Variants in GDAP1L1 observed in about 807,000 individuals in gnomAD.
GDAP1L1 encodes the protein ganglioside-induced differentiation-associated protein 1-like 1.
In GDAP1L1, 21 loss-of-function variants were observed where a neutral mutation model predicts 37.1. The observed-to-expected ratio is 0.57, with a 90% CI of 0.40 to 0.81. GDAP1L1 has a LOEUF of 0.81. GDAP1L1 is among the 40% of genes least tolerant of loss of function. The pLI, the probability that GDAP1L1 is intolerant of heterozygous loss-of-function variation, is 0.00. For synonymous variants in GDAP1L1, 193 were observed against 209.1 expected (o/e 0.92, Z 0.67); for missense variants, 362 against 491.6 (o/e 0.74, Z 2.49).
At chr20:44,273,063 A>C (rs1030070198) in intron 5 of GDAP1L1, among the ~76,000 whole-genome samples, 5 of 152,160 alleles carry the variant, frequency 3.3e-5, no homozygotes, top group African/African-American at 9.7e-5. Context: ...GCTCATTTGC[A>C]TGTGGAAATA....
rs372266293 is a variant in GDAP1L1 at position 44,263,218 on chromosome 20, T to C, written c.548-12T>C. Reference sequence around the variant, plus strand: ...TATCAGAGGGATGGGACCTTTCCTATTATCTCCCCAGGACATTTAGCCAAT... The same window carrying C: ...TATCAGAGGGATGGGACCTTTCCTACTATCTCCCCAGGACATTTAGCCAAT... On this transcript the variant is annotated splice_polypyrimidine_tract_variant and intron_variant, in intron 3 of 5. Transcript: ENST00000342560. The C allele has an allele frequency of 2.7e-5, 44 of 1,610,786 alleles. No homozygotes were observed. The highest frequency in any genetic ancestry group is 3.1e-5 in the Non-Finnish European group (37 of 1,177,158).
At chr20:44,249,844 G>A (rs760081559) in intron 1 of GDAP1L1, among the ~76,000 whole-genome samples, 7 of 152,166 alleles carry the variant, frequency 4.6e-5, no homozygotes, top group Non-Finnish European at 5.9e-5. Flanking sequence ...ATATAGTCCT[G>A]GGTTCTATTC....
In GDAP1L1 at chr20:44,264,829, A is replaced by G. The variant is rs183235426; in HGVS notation, c.760+270A>G. 1.6e-5 allele frequency: 18 copies of G among 1,154,548 alleles called. No homozygotes were observed. In the East Asian group the frequency reaches 6.6e-4, roughly 42 times the overall value. 71.5% of individuals were successfully genotyped at this position (1,154,548 alleles called of 1,614,324 possible). ...ACCTGCCTCAAAGAGCTGTTGAGAC[A>G]TTGTGTGAAATAATACACGTAGAGT... On this transcript the variant is annotated intron_variant, in intron 5 of 5. Coordinates refer to ENST00000342560, the MANE Select transcript of GDAP1L1 (RefSeq NM_024034.6).
At chr20:44,266,425 T>C (rs190364770) in intron 5 of GDAP1L1, among the ~76,000 whole-genome samples, 36 of 151,084 alleles carry the variant, frequency 2.4e-4, no homozygotes, top group Admixed American at 2.3e-3. Context: ...AGTTCAGAGA[T>C]GGGCCTTTGG....
intron 1 of GDAP1L1, among the ~76,000 whole-genome samples, chr20:44,253,204 GC>G (rs2073478059): frequency 6.6e-6 from 1 of 152,066 alleles, no homozygotes; most frequent in Admixed American, 6.6e-5. Flanking sequence ...CCATCTGCCT[GC>G]CCCCACGGAC....
rs1402847582 is a variant in GDAP1L1, at chr20:44,247,454, C to G, written c.120C>G (p.Ala40=). The G allele has an allele frequency of 1.2e-6, 2 of 1,606,494 alleles. No homozygotes were observed. Among genetic ancestry groups the G allele is most frequent in the Non-Finnish European group, 1.7e-6 (2 of 1,176,874 alleles). Residue 40 remains alanine (A), a synonymous_variant, in exon 1 of 6, where the codon GCC becomes GCG. Transcript: ENST00000342560. ...APDAPEAASP[A]HWPRESLVLY... is the part of the protein sequence containing the mutation. ...ACGCTCCCGAGGCGGCCAGCCCCGC[C>G]CATTGGCCCAGGGAGAGCCTGGTTC...
chr20:44,258,116 T>G, intron 2 of GDAP1L1: 1 of 716,116 alleles, frequency 1.4e-6, no homozygotes, highest in Non-Finnish European at 2.6e-6. Context: ...TGCCAACATT[T>G]AAAAGTCAAG....
At chr20:44,247,995 G>GC (rs2073366099) in intron 1 of GDAP1L1, among the ~76,000 whole-genome samples, 2 of 152,234 alleles carry the variant, frequency 1.3e-5, no homozygotes, top group East Asian at 3.9e-4. Flanking sequence ...CAGCTCCTCT[G>GC]CCCCTCTGTC....
At chr20:44,259,852 T>C (rs965254952) in intron 3 of GDAP1L1, among the ~76,000 whole-genome samples, 2 of 151,994 alleles carry the variant, frequency 1.3e-5, no homozygotes, top group Non-Finnish European at 2.9e-5. Context: ...CTCAACAACA[T>C]TTATGAGGCC....
intron 5 of GDAP1L1, chr20:44,265,174 C>T (rs2073741742): frequency 2.0e-6 from 2 of 985,424 alleles, no homozygotes; most frequent in African/African-American, 3.5e-5. Flanking sequence ...GCCAGACATC[C>T]AAGCTCACCC....
chr20:44,267,515 G>T (rs1388329862), intron 5 of GDAP1L1, among the ~76,000 whole-genome samples: 7 of 151,942 alleles, frequency 4.6e-5, no homozygotes, highest in Non-Finnish European at 1.5e-5. Context: ...GGAGGCTGAG[G>T]CAGGAGAATC....
chr20:44,273,472 C>T (rs2062541657), intron 5 of GDAP1L1, among the ~76,000 whole-genome samples: 1 of 152,324 alleles, frequency 6.6e-6, no homozygotes, highest in Middle Eastern at 3.4e-3. Flanking sequence ...ACTCCCATCA[C>T]AATCGCACCT....
chr20:44,263,652 T>C (rs1176164515), intron 4 of GDAP1L1, among the ~76,000 whole-genome samples: 1 of 152,204 alleles, frequency 6.6e-6, no homozygotes, highest in Non-Finnish European at 1.5e-5. Context: ...GAGACCAGCC[T>C]GGCCAACATG....
intron 5 of GDAP1L1, 92 bp from the exon 6 acceptor site, chr20:44,278,861 GGGCA>G (rs2062611885): frequency 1.3e-6 from 1 of 762,886 alleles, no homozygotes; most frequent in South Asian, 1.7e-5. Context: ...GAAAATACTG[GGGCA>G]GGCATGCAGA....
chr20:44,247,417 C>A lies in GDAP1L1; in HGVS notation c.83C>A (p.Ala28Glu). 1 of 1,609,830 alleles carries A rather than the reference C, an allele frequency of 6.2e-7. No homozygotes were observed. ...SALESDAAKP[A>E]EAPDAPEAAS... Reference sequence around the variant, plus strand: ...CTGGAGAGCGATGCGGCCAAGCCAGCGGAGGCCCCCGACGCTCCCGAGGCG... The same window carrying A: ...CTGGAGAGCGATGCGGCCAAGCCAGAGGAGGCCCCCGACGCTCCCGAGGCG... The change falls in exon 1 of 6, where the codon GCG (alanine) becomes GAG (glutamate). Residue 28 changes from alanine to glutamate, a missense_variant. By Grantham distance (107) the Ala-to-Glu change is moderately radical. Coordinates refer to ENST00000342560, the MANE Select transcript of GDAP1L1 (RefSeq NM_024034.6).
Position 44,279,385 on chromosome 20 carries a change from T to C in GDAP1L1, c.*85T>C, listed in dbSNP as rs529957739. On this transcript the variant is annotated 3_prime_UTR_variant, in exon 6 of 6. Coordinates refer to ENST00000342560, the MANE Select transcript of GDAP1L1 (RefSeq NM_024034.6). ...GAGCTCTCAGTAACTCACTGTCTCA[T>C]GAACACTTGGACAGCCCTCCCCGCC... The C allele has an allele frequency of 2.3e-6, 2 of 879,112 alleles. No individual in the cohort carries two copies. Among genetic ancestry groups the C allele is most frequent in the African/African-American group, 1.7e-5 (1 of 60,426 alleles). 54.5% of individuals were successfully genotyped at this position (879,112 alleles called of 1,614,324 possible).
chr20:44,251,563 G>A (rs536150642), intron 1 of GDAP1L1, among the ~76,000 whole-genome samples: 222 of 152,346 alleles, frequency 1.5e-3, no homozygotes, highest in African/African-American at 5.2e-3. Context: ...TGTCCATGCT[G>A]CACTTGACCG....
chr20:44,247,305 C>T (rs769261755), upstream of GDAP1L1: 3 of 1,611,724 alleles, frequency 1.9e-6, no homozygotes, highest in South Asian at 2.2e-5. Context: ...CCGGAGCCTC[C>T]TTCTTTCCTG....
intron 1 of GDAP1L1, among the ~76,000 whole-genome samples, chr20:44,252,624 G>A (rs141926045): frequency 6.2e-4 from 94 of 152,192 alleles, no homozygotes; most frequent in African/African-American, 2.2e-3. Flanking sequence ...TGGGTAACAA[G>A]AGCGAAACTC....
Sources: allele counts gnomAD v4.1 joint callset (sites outside exome capture counted in the v4.1 genomes callset), GRCh38; gene constraint gnomAD v4.1.1; transcripts MANE v1.5; gene names NCBI Gene and HGNC (gene_info 2026-07-23, HGNC 2026-07-21).